MYH4: variants seen among roughly 807,000 people sequenced by gnomAD.
MYH4 encodes the protein myosin-4.
MYH4 carries 200 observed loss-of-function variants against 229.9 expected under a neutral mutation model. That is an observed-to-expected ratio of 0.87 (90% confidence interval 0.78 to 0.98). The LOEUF (loss-of-function observed/expected upper bound fraction) is 0.98, where lower values mean the gene tolerates loss of function less well. Among genes scored for constraint, MYH4 ranks in the 50% least tolerant of loss-of-function variants. MYH4 has a pLI of 0.00. For synonymous variants in MYH4, 761 were observed against 834.6 expected, an observed-to-expected ratio of 0.91 and a Z score of 1.52; for missense variants, 2,148 against 2,332.6, an observed-to-expected ratio of 0.92 and a Z score of 1.63.
At chr17:10,460,462 G>T in intron 12 of MYH4, 141 bp from the exon 13 acceptor site, 1 of 690,106 alleles carries the variant, frequency 1.4e-6, no homozygotes, top group Non-Finnish European at 2.4e-6. Flanking sequence ...TGTTCATATT[G>T]CCTCAAAAGC....
At chr17:10,448,257 G>A (rs946989943) in intron 33 of MYH4, 131 bp from the exon 34 acceptor site, 4 of 1,293,102 alleles carry the variant, frequency 3.1e-6, no homozygotes, top group Non-Finnish European at 4.2e-6. Context: ...TATTAGCTCT[G>A]CATTCTCAAG....
chr17:10,466,930 TGAGA>T, intron 2 of MYH4, 146 bp from the exon 3 acceptor site: 5 of 679,664 alleles, frequency 7.4e-6, no homozygotes, highest in Non-Finnish European at 1.2e-5. Context: ...GTCAAGGAGC[TGAGA>T]GATCAGCTCA....
intron 12 of MYH4, 44 bp downstream of exon 12, chr17:10,460,872 T>A: frequency 6.2e-7 from 1 of 1,608,288 alleles, no homozygotes; most frequent in Non-Finnish European, 8.5e-7. Context: ...AAAAGTTCAC[T>A]ATGTCAGCTT....
In MYH4 at chr17:10,450,662, A is replaced by G. The variant is rs780286841; in HGVS notation, c.3985-13T>C. The G allele has an allele frequency of 1.9e-6, 3 of 1,613,632 alleles. No individual in the cohort carries two copies. Among genetic ancestry groups the G allele is most frequent in the Non-Finnish European group, 2.5e-6 (3 of 1,179,722 alleles). ...GAGTGCTCTTGGCCTAGACCAACCA[A>G]AAACTATGTGATATAAGTTTATCTT... On this transcript the variant is annotated splice_polypyrimidine_tract_variant and intron_variant, in intron 29 of 39. Transcript: ENST00000255381.
rs1362038893 is a variant in MYH4 at position 10,452,502 on chromosome 17, C to G, written c.3262G>C (p.Glu1088Gln). The change falls in exon 26 of 40, where the codon GAG (glutamate) becomes CAG (glutamine). Residue 1088 changes from glutamate (E) to glutamine (Q), a missense_variant. Glu to Gln is a conservative substitution (Grantham distance 29). Coordinates refer to ENST00000255381, the MANE Select transcript of MYH4 (RefSeq NM_017533.2). ...CCTTGCAGATTGCTCATTTCAAACT[C>G]TTTCCTATTAGAAGAGCAACACATT... The part of the protein sequence containing the change: ...QQLNEKLKKK[E>Q]FEMSNLQGKI... 6.2e-7 allele frequency: 1 copy of G among 1,613,710 alleles called. No individual in the cohort carries two copies. Among genetic ancestry groups the G allele is most frequent in the Non-Finnish European group, 8.5e-7 (1 of 1,179,774 alleles).
intron 30 of MYH4, among the ~76,000 whole-genome samples, chr17:10,449,799 C>T (rs577287105): frequency 3.9e-5 from 6 of 152,286 alleles, no homozygotes; most frequent in South Asian, 2.1e-4. Flanking sequence ...TCCCAGCCCA[C>T]ACTCTTATCT....
Position 10,443,317 on chromosome 17 carries a change from A to G in MYH4, c.*58T>C. ...TATTTCCTTGATATACAGGACAGTG[A>G]CAAAGAACTTCACATTTCGTGCATT... On this transcript the variant is annotated 3_prime_UTR_variant, in exon 40 of 40. Transcript: ENST00000255381. This position sits in a 1 kb window ranked among gnomAD's most constrained non-coding sequence, Gnocchi z 4.6. 6.4e-7 allele frequency: 1 copy of G among 1,569,384 alleles called. No homozygotes were observed. Among genetic ancestry groups the G allele is most frequent in the Admixed American group, 1.7e-5 (1 of 59,544 alleles).
Position 10,460,240 on chromosome 17 carries a change from C to T in MYH4, c.1229G>A (p.Gly410Asp), listed in dbSNP as rs2072686216. ...KSLCYPRVKV[G>D]NEFVTKGQTV... The stretch of plus-strand genomic sequence containing the variant: ...CTGGCCTTTGGTTACGAACTCATTG[C>T]CGACCTTGACTCTGGGATAGCAGAG... The change falls in exon 13 of 40, where the codon GGC becomes GAC. Residue 410 changes from glycine (G) to aspartate (D), a missense_variant. Gly to Asp is a moderately conservative substitution (Grantham distance 94, BLOSUM62 -1). Transcript: ENST00000255381. 6.2e-7 allele frequency: 1 copy of T among 1,613,966 alleles called. No homozygotes were observed. Among genetic ancestry groups the T allele is most frequent in the African/African-American group, 1.3e-5 (1 of 74,922 alleles).
intron 22 of MYH4, 140 bp from the exon 23 acceptor site, chr17:10,454,025 CA>C: frequency 8.5e-7 from 1 of 1,179,274 alleles, no homozygotes; most frequent in Admixed American, 2.3e-5. Context: ...ATGAAACAGA[CA>C]AAATGTTAAT....
chr17:10,462,918 C>G lies in MYH4; in HGVS notation c.955G>C (p.Gly319Arg). 6.2e-7 allele frequency: 1 copy of G among 1,614,122 alleles called. No homozygotes were observed. The highest frequency in any genetic ancestry group is 8.5e-7 in the Non-Finnish European group (1 of 1,179,968). ...TCAATGCTGGGCACAGTAATTTCCC[C>G]TTGGCTGACAAATGCGAAGTCATAT... ...NPYDFAFVSQ[G>R]EITVPSIDDQ... Residue 319 changes from glycine to arginine, a missense_variant, in exon 11 of 40, where the codon GGG (glycine) becomes CGG (arginine). Coordinates refer to ENST00000255381, the MANE Select transcript of MYH4 (RefSeq NM_017533.2).
chr17:10,448,385 GA>G lies in MYH4; in HGVS notation c.4656+10del. On this transcript the variant is annotated intron_variant, in intron 33 of 39. Coordinates refer to ENST00000255381, the MANE Select transcript of MYH4 (RefSeq NM_017533.2). ...ATTTATAATGCAGAGCTAAGCAAAT[GA>G]AAAATGTACCTCTGCTTCCTCTAGG... 6.2e-7 allele frequency: 1 copy of G among 1,605,764 alleles called. No individual in the cohort carries two copies.
At chr17:10,455,442 C>T (rs778264352) in intron 19 of MYH4, 147 bp from the exon 20 acceptor site, 112 of 1,296,422 alleles carry the variant, frequency 8.6e-5, no homozygotes, top group Admixed American at 1.3e-4. Context: ...TTTAAAACTT[C>T]GGAAGATATG....
chr17:10,460,167 G>C (rs180969686), intron 13 of MYH4, 36 bp downstream of exon 13: 2 of 1,612,682 alleles, frequency 1.2e-6, no homozygotes, highest in Non-Finnish European at 1.7e-6. Flanking sequence ...AGTCACTTGC[G>C]GTTCAAATAA....
rs2072561402 is a variant in MYH4, at chr17:10,450,570, T to C, written c.4064A>G (p.Gln1355Arg). ...DLLREQYEEEQEAKAELQRGM... is the reference protein window; with the variant it reads ...DLLREQYEEEREAKAELQRGM... Reference sequence around the variant, plus strand: ...CCTCTGCAGCTCAGCCTTGGCTTCCTGCTCCTCCTCATACTGTTCCCGCAG... The same window carrying C: ...CCTCTGCAGCTCAGCCTTGGCTTCCCGCTCCTCCTCATACTGTTCCCGCAG... Residue 1355 changes from glutamine to arginine, a missense_variant, in exon 30 of 40, where the codon CAG becomes CGG. Coordinates refer to ENST00000255381, the MANE Select transcript of MYH4 (RefSeq NM_017533.2). The C allele has an allele frequency of 6.2e-7, 1 of 1,614,228 alleles. No individual in the cohort carries two copies. The highest frequency in any genetic ancestry group is 1.1e-5 in the South Asian group (1 of 91,090).
At chr17:10,467,337 G>A (rs1021026151) in intron 2 of MYH4, among the ~76,000 whole-genome samples, 4 of 152,124 alleles carry the variant, frequency 2.6e-5, no homozygotes, top group Admixed American at 6.5e-5. Flanking sequence ...CCGGACATAA[G>A]TCCAGATCTA....
intron 30 of MYH4, 144 bp downstream of exon 30, chr17:10,450,309 A>G: frequency 1.5e-6 from 2 of 1,328,160 alleles, no homozygotes; most frequent in Non-Finnish European, 2.1e-6. Context: ...TAAGAAGAAG[A>G]ATATGGTGGA....
In MYH4 at chr17:10,444,787, C is replaced by A. The variant is rs375534836; in HGVS notation, c.5571+8G>T. On this transcript the variant is annotated splice_region_variant and intron_variant, in intron 38 of 39. Transcript: ENST00000255381. ...TATAGGCCTGGAAGATATGAAAACA[C>A]TGGTCACCTGGTAAGTGAGTTCCTT... is the stretch of plus-strand genomic sequence containing the variant. 277 of 1,613,858 alleles carry A rather than the reference C, an allele frequency of 1.7e-4. 1 individual carries two copies. In the African/African-American group the frequency reaches 2.0e-3, roughly 11 times the overall value.
At chr17:10,465,990 G>T (rs1046003441) in intron 4 of MYH4, among the ~76,000 whole-genome samples, 1 of 151,670 alleles carries the variant, frequency 6.6e-6, no homozygotes, top group Admixed American at 6.6e-5. Flanking sequence ...TAGCCGGGAT[G>T]GTCTCGATCT....
Position 10,466,665 on chromosome 17 carries a change from A to G in MYH4, c.81T>C (p.Ala27=), listed in dbSNP as rs762223757. 6.2e-7 allele frequency: 1 copy of G among 1,614,112 alleles called. No homozygotes were observed. The highest frequency in any genetic ancestry group is 1.1e-5 in the South Asian group (1 of 91,080). ...LRKSEKERIE[A]QNKPFDAKTS... is the part of the protein sequence containing the mutation. ...TCTTGGCATCAAAAGGCTTGTTCTG[A>G]GCTTCAATTCGCTCCTTTTCAGACT... The change falls in exon 3 of 40, where the codon GCT becomes GCC. Residue 27 remains alanine (A), a synonymous_variant. Transcript: ENST00000255381.
Sources: allele counts gnomAD v4.1 joint callset (sites outside exome capture counted in the v4.1 genomes callset), GRCh38; gene constraint gnomAD v4.1.1; non-coding constraint Gnocchi (gnomAD v3.1); transcripts MANE v1.5; gene names NCBI Gene and HGNC (gene_info 2026-07-23, HGNC 2026-07-21).